KCNQ3: variants seen among roughly 807,000 people sequenced by gnomAD.
KCNQ3 encodes potassium voltage-gated channel subfamily Q member 3.
KCNQ3 carries 30 observed loss-of-function variants against 92.5 expected under a neutral mutation model. That is an observed-to-expected ratio of 0.32 (90% CI 0.24 to 0.44). The LOEUF is 0.44. Among genes scored for constraint, KCNQ3 ranks in the 20% least tolerant of loss-of-function variants. KCNQ3 has a pLI of 1.00. For synonymous variants in KCNQ3, 450 were observed against 468.8 expected, an observed-to-expected ratio of 0.96 and a Z score of 0.52; for missense variants, 913 against 1,140.3, an observed-to-expected ratio of 0.80 and a Z score of 2.87.
chr8:132,423,823 C>A (rs1398638569), intron 1 of KCNQ3, among the ~76,000 whole-genome samples: 2 of 152,142 alleles, frequency 1.3e-5, no homozygotes, highest in Non-Finnish European at 2.9e-5. Flanking sequence ...GATGGCCCCA[C>A]CATACAGTAT....
At chr8:132,185,027 A>C (rs905966371) in intron 2 of KCNQ3, among the ~76,000 whole-genome samples, 10 of 152,166 alleles carry the variant, frequency 6.6e-5, no homozygotes, top group African/African-American at 2.4e-4. Flanking sequence ...TGATGATCAG[A>C]CACCAACACC....
intron 9 of KCNQ3, among the ~76,000 whole-genome samples, chr8:132,144,383 C>T (rs1825389948): frequency 6.6e-6 from 1 of 152,216 alleles, no homozygotes; most frequent in Admixed American, 6.5e-5. Flanking sequence ...GCAAAGTTCA[C>T]TGCTGAAACT....
At chr8:132,459,703 C>T (rs1426882476) in intron 1 of KCNQ3, among the ~76,000 whole-genome samples, 5 of 151,606 alleles carry the variant, frequency 3.3e-5, no homozygotes, top group Non-Finnish European at 5.9e-5. Context: ...TCGTGTTTTA[C>T]AGGTTCCTCC....
In KCNQ3 at chr8:132,480,609, AGGCGGC is replaced by A; in HGVS notation, c.-83_-78del. The A allele has an allele frequency of 2.5e-6, 3 of 1,202,540 alleles. No homozygotes were observed. Among genetic ancestry groups the A allele is most frequent in the Non-Finnish European group, 3.2e-6 (3 of 948,266 alleles). The allele number at this position is 1,202,540 out of a possible 1,614,324, so 74.5% of individuals were successfully genotyped here. On this transcript the variant is annotated 5_prime_UTR_variant, in exon 1 of 15. Transcript: ENST00000388996. The stretch of plus-strand genomic sequence containing the variant: ...AAGGGGCGCTCGGGGTGCGTGAACG[AGGCGGC>A]GGCGGCGGCTGCAAGCCCGGGAACT...
chr8:132,309,472 T>C (rs1041989215), intron 1 of KCNQ3, among the ~76,000 whole-genome samples: 1 of 152,228 alleles, frequency 6.6e-6, no homozygotes, highest in Non-Finnish European at 1.5e-5. Flanking sequence ...TGGAGCATTA[T>C]GCACACTGGA....
chr8:132,157,435 A>G (rs1202806036), intron 9 of KCNQ3, among the ~76,000 whole-genome samples: 3 of 152,214 alleles, frequency 2.0e-5, no homozygotes, highest in Non-Finnish European at 4.4e-5. Flanking sequence ...TGGTGTGTGC[A>G]ATAGCCATTC....
At chr8:132,221,451 A>T (rs1238032321) in intron 1 of KCNQ3, among the ~76,000 whole-genome samples, 1 of 152,160 alleles carries the variant, frequency 6.6e-6, no homozygotes, top group South Asian at 2.1e-4. Flanking sequence ...AAGTGTTCCT[A>T]TTTCTTCACA....
intron 1 of KCNQ3, among the ~76,000 whole-genome samples, chr8:132,478,697 C>T (rs1235693788): frequency 6.6e-6 from 1 of 152,010 alleles, no homozygotes; most frequent in Non-Finnish European, 1.5e-5. Context: ...TGGGAAAATG[C>T]CCCACTCCCA....
At chr8:132,228,339 C>T (rs1412684323) in intron 1 of KCNQ3, among the ~76,000 whole-genome samples, 5 of 152,050 alleles carry the variant, frequency 3.3e-5, no homozygotes, top group African/African-American at 1.2e-4. Context: ...CTCACTGATT[C>T]ATCCATCCAT....
chr8:132,177,297 A>C (rs747798795), intron 4 of KCNQ3, among the ~76,000 whole-genome samples: 2 of 152,190 alleles, frequency 1.3e-5, no homozygotes, highest in Non-Finnish European at 2.9e-5. Flanking sequence ...AGTTATTCCA[A>C]ATAATTCTGA....
rs1354612104 is a variant in KCNQ3 at position 132,124,778 on chromosome 8, C to G, written c.*4484G>C. ...ACATGAAGCAAATTCCTAAGGATGC[C>G]TGGGGTTCAGGAAGCAAAGAAGAAT... On this transcript the variant is annotated 3_prime_UTR_variant, in exon 15 of 15. Transcript: ENST00000388996. 1 of 152,224 alleles carries G rather than the reference C, an allele frequency of 6.6e-6. No individual in the cohort carries two copies. Among genetic ancestry groups the G allele is most frequent in the African/African-American group, 2.4e-5 (1 of 41,470 alleles). The allele number at this position is 152,224 out of a possible 1,614,324, so 9.4% of individuals were successfully genotyped here.
At chr8:132,153,385 TC>T (rs942347988) in intron 9 of KCNQ3, among the ~76,000 whole-genome samples, 1 of 152,176 alleles carries the variant, frequency 6.6e-6, no homozygotes, top group Non-Finnish European at 1.5e-5. Flanking sequence ...AGAGAAGGAC[TC>T]AATTCCACAG....
chr8:132,224,145 G>A (rs1347612441), intron 1 of KCNQ3, among the ~76,000 whole-genome samples: 1 of 133,332 alleles, frequency 7.5e-6, no homozygotes, highest in Non-Finnish European at 1.6e-5. Flanking sequence ...ATGTTGTCAG[G>A]GCTGCTCTTG....
chr8:132,295,953 T>C (rs1182325057), intron 1 of KCNQ3, among the ~76,000 whole-genome samples: 3 of 152,126 alleles, frequency 2.0e-5, no homozygotes, highest in African/African-American at 4.8e-5. Context: ...GGTGATGGGT[T>C]GGTAGGTGCA....
intron 1 of KCNQ3, among the ~76,000 whole-genome samples, chr8:132,256,960 C>A (rs897553826): frequency 6.6e-6 from 1 of 152,074 alleles, no homozygotes; most frequent in African/African-American, 2.4e-5. Context: ...ACATAGTTTA[C>A]ATATACAAGA....
At chr8:132,346,255 T>A (rs1298143278) in intron 1 of KCNQ3, among the ~76,000 whole-genome samples, 1 of 152,132 alleles carries the variant, frequency 6.6e-6, no homozygotes, top group Non-Finnish European at 1.5e-5. Context: ...TTAAGCCACA[T>A]ATGGGTACCC....
intron 6 of KCNQ3, 37 bp downstream of exon 6, chr8:132,174,202 C>T (rs369996444): frequency 1.9e-5 from 27 of 1,439,408 alleles, no homozygotes; most frequent in African/African-American, 8.5e-5. Flanking sequence ...GGGTCCTGCA[C>T]GTCACATTGG....
chr8:132,428,466 A>T (rs946909231), intron 1 of KCNQ3, among the ~76,000 whole-genome samples: 13 of 152,194 alleles, frequency 8.5e-5, no homozygotes, highest in Non-Finnish European at 1.5e-4. Flanking sequence ...TGGTCCCTGG[A>T]AGCAGCACAT....
rs187293391 is a variant in KCNQ3, at chr8:132,422,445, T to G, written c.386+57702A>C. ...ATATGTTTTGCATTATATTTAAATC[T>G]AAACTCTCTATCCTGCAGGTGTGCC... On this transcript the variant is annotated intron_variant, in intron 1 of 14. Coordinates refer to ENST00000388996, the MANE Select transcript of KCNQ3 (RefSeq NM_004519.4). 6.6e-5 allele frequency among the ~76,000 whole-genome samples: 10 copies of G among 152,292 alleles called. No individual in the cohort carries two copies. In the East Asian group the frequency reaches 1.9e-3, roughly 29 times the overall value.
Sources: gnomAD v4.1 joint callset for allele counts (sites outside exome capture counted in the v4.1 genomes callset) on GRCh38, gnomAD v4.1.1 for gene constraint, MANE v1.5 for transcripts, NCBI Gene and HGNC (gene_info 2026-07-23, HGNC 2026-07-21) for gene names.